The following MCC variants were observed in gnomAD, a reference collection of about 807,000 sequenced individuals.
MCC encodes MCC regulator of Wnt signaling pathway, also known as colorectal mutant cancer protein.
MCC carries 90 observed loss-of-function variants against 116.2 expected under a neutral mutation model. The observed-to-expected ratio is 0.77, with a 90% CI of 0.65 to 0.92. The LOEUF (loss-of-function observed/expected upper bound fraction) is 0.92. Among genes scored for constraint, MCC ranks in the 40% least tolerant of loss-of-function variants. The probability of loss-of-function intolerance (pLI) is 0.00; values close to 1 mark genes in which losing one functional copy is unlikely to be tolerated. For synonymous variants in MCC, 578 were observed against 510.5 expected, an observed-to-expected ratio of 1.13 and a Z score of -1.78; for missense variants, 1,516 against 1,312.2, an observed-to-expected ratio of 1.16 and a Z score of -2.40.
At chr5:113,046,710 A>AAAAAAAAAAAAAAAAAAAGAG in intron 16 of MCC, among the ~76,000 whole-genome samples, 8 of 102,408 alleles carry the variant, frequency 7.8e-5, no homozygotes, top group South Asian at 3.5e-4. Flanking sequence ...AAAAAAAAAA[A>AAAAAAAAAAAAAAAAAAAGAG]AGAGAGAGAT....
chr5:113,099,114 T>C (rs1420407034), intron 8 of MCC, among the ~76,000 whole-genome samples: 1 of 51,538 alleles, frequency 1.9e-5, no homozygotes, highest in Non-Finnish European at 4.2e-5. Context: ...TCTAGTACAC[T>C]TTTTGAGATC....
At chr5:113,094,089 G>A (rs1048875035) in intron 8 of MCC, among the ~76,000 whole-genome samples, 1 of 152,112 alleles carries the variant, frequency 6.6e-6, no homozygotes, top group African/African-American at 2.4e-5. Context: ...ATATTTTGCC[G>A]AGAACCACAC....
intron 3 of MCC, among the ~76,000 whole-genome samples, chr5:113,207,817 T>C (rs769267496): frequency 1.6e-4 from 25 of 152,148 alleles, no homozygotes; most frequent in Non-Finnish European, 3.5e-4. Context: ...AACAGAACCT[T>C]AACAAGATGT....
intron 3 of MCC, among the ~76,000 whole-genome samples, chr5:113,232,347 G>T (rs1270162308): frequency 6.6e-6 from 1 of 152,142 alleles, no homozygotes; most frequent in Non-Finnish European, 1.5e-5. Flanking sequence ...GGGTGAATGA[G>T]GAGTCCAGTT....
rs1561598459 is a variant in MCC, at chr5:113,488,339, T to TGCTGCC, written c.75_76insGGCAGC (p.Ser25_Ser26insGlySer). Reference sequence around the variant, plus strand: ...GTGCTGGACGTGTCGCTGCTGCTGCTGCTGCTGCCGCTGCCGCCGCCGCCG... The same window carrying TGCTGCC: ...GTGCTGGACGTGTCGCTGCTGCTGCTGCTGCCGCTGCTGCCGCTGCCGCCGCCGCCG... On this transcript the variant is annotated inframe_insertion, in exon 1 of 19. Coordinates refer to ENST00000408903, the MANE Select transcript of MCC (RefSeq NM_001085377.2). 1.8e-5 allele frequency: 26 copies of TGCTGCC among 1,466,484 alleles called. 1 individual carries two copies. The highest frequency in any genetic ancestry group is 9.0e-7 in the Non-Finnish European group (1 of 1,112,540). 90.8% of individuals were successfully genotyped at this position (1,466,484 alleles called of 1,614,324 possible).
At chr5:113,078,934 T>C (rs930536229) in intron 11 of MCC, among the ~76,000 whole-genome samples, 5 of 152,236 alleles carry the variant, frequency 3.3e-5, no homozygotes, top group African/African-American at 1.2e-4. Flanking sequence ...CAAAATCTCC[T>C]TAAGCTGATA....
chr5:113,306,693 C>T (rs112835125), intron 3 of MCC, among the ~76,000 whole-genome samples: 3,153 of 152,002 alleles, frequency 0.021, 35 homozygotes, highest in Middle Eastern at 0.027. Flanking sequence ...CTTGGTAGAG[C>T]CCTTTGAAAC....
intron 1 of MCC, among the ~76,000 whole-genome samples, chr5:113,395,535 AT>A (rs1425592751): frequency 2.6e-5 from 4 of 152,186 alleles, no homozygotes; most frequent in Non-Finnish European, 5.9e-5. Context: ...CCAGGCGTAT[AT>A]GTAATTGACT....
At chr5:113,099,600 G>A (rs1756268471) in intron 8 of MCC, among the ~76,000 whole-genome samples, 1 of 152,198 alleles carries the variant, frequency 6.6e-6, no homozygotes. Flanking sequence ...AGAGTAAACT[G>A]AGGCACAGAG....
chr5:113,363,911 C>T (rs1768611595), intron 2 of MCC, among the ~76,000 whole-genome samples: 1 of 152,012 alleles, frequency 6.6e-6, no homozygotes, highest in Non-Finnish European at 1.5e-5. Context: ...GTAAATAGTC[C>T]CCTTCCAAAA....
At position 113,334,717 on chromosome 5, in the gene MCC, A is replaced by C. The variant is rs934108350; in HGVS notation, c.627+5802T>G. Among the ~76,000 whole-genome samples the C allele has an allele frequency of 3.1e-4, 47 of 149,572 alleles. 1 individual carries two copies. The highest frequency in any genetic ancestry group is 1.9e-3 in the Admixed American group (28 of 14,986). ...GTAATTCTCTGGTCTCATCCTCCTG[A>C]GTAGCTGGGATTACAGGCACGCACC... is the stretch of plus-strand genomic sequence containing the variant. On this transcript the variant is annotated intron_variant, in intron 3 of 18. Transcript: ENST00000408903.
At position 113,266,815 on chromosome 5, in the gene MCC, AAAAAAAACCTAAC is replaced by A. The variant is rs1477298316; in HGVS notation, c.627+73691_627+73703del. On this transcript the variant is annotated intron_variant, in intron 3 of 18. Transcript: ENST00000408903. The stretch of plus-strand genomic sequence containing the variant: ...TGGACAAAAAAACAAAACAAAACAA[AAAAAAAACCTAAC>A]AAAAAAACCTATAAAAGATTAGGTA... Among the ~76,000 whole-genome samples the A allele has an allele frequency of 8.5e-5, 13 of 152,272 alleles. No homozygotes were observed. The East Asian group carries it at 2.3e-3, about 27-fold the overall frequency.
chr5:113,094,710 G>A (rs765535267), intron 8 of MCC, among the ~76,000 whole-genome samples: 2 of 152,130 alleles, frequency 1.3e-5, no homozygotes, highest in South Asian at 2.1e-4. Flanking sequence ...ATGAGCCACC[G>A]CTCCCGGCCA....
At chr5:113,365,246 G>A (rs1768658059) in intron 2 of MCC, among the ~76,000 whole-genome samples, 1 of 152,102 alleles carries the variant, frequency 6.6e-6, no homozygotes, top group African/African-American at 2.4e-5. Flanking sequence ...TGAATGCCTT[G>A]TTGCTTAGAA....
At chr5:113,380,605 C>T (rs549175598) in intron 2 of MCC, among the ~76,000 whole-genome samples, 42 of 152,178 alleles carry the variant, frequency 2.8e-4, no homozygotes, top group African/African-American at 9.6e-4. Context: ...TGACAATCAA[C>T]GTCATTAGTA....
chr5:113,223,523 G>A (rs565482426), intron 3 of MCC, among the ~76,000 whole-genome samples: 19 of 152,258 alleles, frequency 1.2e-4, no homozygotes, highest in African/African-American at 4.1e-4. Context: ...CAGGAAGACT[G>A]GTGGCAAAGA....
intron 1 of MCC, among the ~76,000 whole-genome samples, chr5:113,456,531 A>C (rs1771551921): frequency 1.3e-5 from 2 of 149,464 alleles, no homozygotes; most frequent in African/African-American, 5.0e-5. Flanking sequence ...ATCTTGGCTC[A>C]CTGCAAGCTC....
chr5:113,371,620 C>G (rs1304598153), intron 2 of MCC, among the ~76,000 whole-genome samples: 1 of 152,130 alleles, frequency 6.6e-6, no homozygotes, highest in Non-Finnish European at 1.5e-5. Flanking sequence ...AAATGTTTTT[C>G]TTGTAGATAG....
At chr5:113,240,712 G>A (rs1180867206) in intron 3 of MCC, among the ~76,000 whole-genome samples, 1 of 152,144 alleles carries the variant, frequency 6.6e-6, no homozygotes, top group East Asian at 1.9e-4. Flanking sequence ...TACTCAGAGA[G>A]CAAACTGGGC....
Sources: gnomAD v4.1 joint callset for allele counts (sites outside exome capture counted in the v4.1 genomes callset) on GRCh38, gnomAD v4.1.1 for gene constraint, MANE v1.5 for transcripts, NCBI Gene and HGNC (gene_info 2026-07-23, HGNC 2026-07-21) for gene names.